NDC1: variants seen among roughly 807,000 people sequenced by gnomAD.
NDC1 encodes NDC1 transmembrane nucleoporin.
NDC1 carries 24 observed loss-of-function variants against 89.8 expected under a neutral mutation model. That is an observed-to-expected ratio of 0.27 (90% CI 0.19 to 0.38). NDC1 has a LOEUF of 0.38. Among genes scored for constraint, NDC1 ranks in the 10% least tolerant of loss-of-function variants. The pLI is 1.00. For synonymous variants in NDC1, 296 were observed against 284.8 expected (o/e 1.04, Z -0.39); for missense variants, 728 against 797.6 (o/e 0.91, Z 1.05).
Position 53,828,155 on chromosome 1 carries a change from CAAGGAATAG to C in NDC1, c.290_298del (p.Ser97_Pro99del). On this transcript the variant is annotated inframe_deletion, in exon 4 of 18. Transcript: ENST00000371429. ...CTTCCCTATCAGAGCTAGTCTGGAGCAAGGAATAGAAGGCACAACTGCAAAGGAAACACA... is the reference window on the plus strand; with the variant it reads ...CTTCCCTATCAGAGCTAGTCTGGAGCAAGGCACAACTGCAAAGGAAACACA... 1 of 1,613,886 alleles carries C rather than the reference CAAGGAATAG, an allele frequency of 6.2e-7. No individual in the cohort carries two copies.
At chr1:53,814,467 C>A (rs1049523825) in intron 6 of NDC1, among the ~76,000 whole-genome samples, 1 of 152,114 alleles carries the variant, frequency 6.6e-6, no homozygotes, top group African/African-American at 2.4e-5. Flanking sequence ...GAGGAAAGTT[C>A]ATAGCCCTAA....
chr1:53,772,461 T>C lies in NDC1; in HGVS notation c.1829A>G (p.His610Arg), dbSNP rs959770902. Reference protein sequence around the residue: ...EAVDKYFKLPHASSKPPRISG... With the variant: ...EAVDKYFKLPRASSKPPRISG... ...AATCCGGGGTGGTTTACTGGAAGCA[T>C]GAGGAAGCTTAAAGTACTTGTCGAC... Residue 610 changes from histidine (H) to arginine (R), a missense_variant, in exon 17 of 18, where the codon CAT (histidine) becomes CGT (arginine). His to Arg is a conservative substitution (Grantham distance 29). Coordinates refer to ENST00000371429, the MANE Select transcript of NDC1 (RefSeq NM_018087.5). 3 of 1,612,996 alleles carry C rather than the reference T, an allele frequency of 1.9e-6. No individual in the cohort carries two copies. The highest frequency in any genetic ancestry group is 1.3e-5 in the African/African-American group (1 of 74,844).
chr1:53,796,607 T>C, intron 13 of NDC1, 82 bp downstream of exon 13: 1 of 808,062 alleles, frequency 1.2e-6, no homozygotes, highest in South Asian at 2.4e-5. Flanking sequence ...AAGCTTCTTA[T>C]TCCTGATGAC....
intron 1 of NDC1, 133 bp from the exon 2 acceptor site, chr1:53,835,753 TA>T: frequency 1.4e-6 from 1 of 702,182 alleles, no homozygotes; most frequent in Non-Finnish European, 2.4e-6. Flanking sequence ...TCACTACTAG[TA>T]ATAACATTAC....
intron 13 of NDC1, among the ~76,000 whole-genome samples, chr1:53,795,801 T>C (rs1294077177): frequency 1.3e-5 from 2 of 152,188 alleles, no homozygotes; most frequent in East Asian, 3.8e-4. Context: ...ACACAGCCCC[T>C]AGAGCAGCAC....
intron 15 of NDC1, among the ~76,000 whole-genome samples, chr1:53,787,664 GATAAATAA>G (rs56823781): frequency 7.7e-4 from 113 of 146,828 alleles, no homozygotes; most frequent in South Asian, 1.5e-3. Context: ...TAAATAAATA[GATAAATAA>G]ATAAATAAAT....
chr1:53,833,651 C>A (rs1649137763), intron 2 of NDC1, among the ~76,000 whole-genome samples: 1 of 151,842 alleles, frequency 6.6e-6, no homozygotes, highest in Non-Finnish European at 1.5e-5. Context: ...ATCAGGATGC[C>A]CCCATGAAAT....
intron 13 of NDC1, 136 bp from the exon 14 acceptor site, chr1:53,793,415 A>G: frequency 2.8e-6 from 2 of 725,306 alleles, no homozygotes; most frequent in Admixed American, 4.8e-5. Context: ...AAAGAATAAT[A>G]ATACTTAAAC....
chr1:53,830,432 C>T (rs555451706), intron 3 of NDC1, among the ~76,000 whole-genome samples: 15 of 151,878 alleles, frequency 9.9e-5, no homozygotes, highest in East Asian at 3.9e-4. Flanking sequence ...CCAGCCTGGG[C>T]GACAAAGCTG....
chr1:53,809,494 G>A (rs1276356502), intron 7 of NDC1, among the ~76,000 whole-genome samples: 4 of 152,110 alleles, frequency 2.6e-5, no homozygotes, highest in Non-Finnish European at 4.4e-5. Flanking sequence ...TGGGACTACA[G>A]GCAAGTACCA....
chr1:53,834,979 G>T (rs546240981), intron 2 of NDC1, among the ~76,000 whole-genome samples: 39 of 121,360 alleles, frequency 3.2e-4, no homozygotes, highest in African/African-American at 1.5e-3. Flanking sequence ...GTGGTGGCGC[G>T]TGCTGAGGCA....
chr1:53,767,880 C>T lies in NDC1; in HGVS notation c.*90G>A. On this transcript the variant is annotated 3_prime_UTR_variant, in exon 18 of 18. Coordinates refer to ENST00000371429, the MANE Select transcript of NDC1 (RefSeq NM_018087.5). ...ACGACAAAGGAAGCATCTAATTAGT[C>T]CGTTTTCTTCTGATCCAAGAATGCT... 1.4e-6 allele frequency: 1 copy of T among 708,404 alleles called. No individual in the cohort carries two copies. The allele number at this position is 708,404 out of a possible 1,614,324, so 43.9% of individuals were successfully genotyped here.
chr1:53,769,586 G>A (rs1647095606), intron 17 of NDC1, among the ~76,000 whole-genome samples: 1 of 152,126 alleles, frequency 6.6e-6, no homozygotes, highest in Admixed American at 6.5e-5. Context: ...TCTCCAATGA[G>A]TGGGCTGTGT....
chr1:53,811,344 C>A (rs1050700921), intron 6 of NDC1, among the ~76,000 whole-genome samples: 2 of 152,220 alleles, frequency 1.3e-5, no homozygotes, highest in African/African-American at 4.8e-5. Context: ...AAGCTCTTTT[C>A]TCTCCCAGCT....
At chr1:53,771,107 C>G in intron 17 of NDC1, 1 of 191,648 alleles carries the variant, frequency 5.2e-6, no homozygotes, top group Non-Finnish European at 1.1e-5. Context: ...ACAATGTCCC[C>G]CCTGCCTGGA....
At chr1:53,828,284 C>A in intron 3 of NDC1, 111 bp from the exon 4 acceptor site, 1 of 981,288 alleles carries the variant, frequency 1.0e-6, no homozygotes, top group South Asian at 2.6e-5. Flanking sequence ...AGAGAGAAAT[C>A]CACAGTCAAC....
chr1:53,769,602 AG>A (rs1478924386), intron 17 of NDC1, among the ~76,000 whole-genome samples: 1 of 152,236 alleles, frequency 6.6e-6, no homozygotes, highest in Non-Finnish European at 1.5e-5. Flanking sequence ...TGTGTTTGTT[AG>A]TTGATTTTCA....
chr1:53,768,236 A>G (rs1647082659), intron 17 of NDC1, among the ~76,000 whole-genome samples: 1 of 152,246 alleles, frequency 6.6e-6, no homozygotes, highest in South Asian at 2.1e-4. Flanking sequence ...GCATGCTTCT[A>G]TCTTCTAAAA....
At chr1:53,835,115 G>A (rs1649187649) in intron 2 of NDC1, among the ~76,000 whole-genome samples, 1 of 152,042 alleles carries the variant, frequency 6.6e-6, no homozygotes, top group Non-Finnish European at 1.5e-5. Flanking sequence ...AATTTTAGAC[G>A]TATTTTTAAA....
Sources: allele counts gnomAD v4.1 joint callset (sites outside exome capture counted in the v4.1 genomes callset), GRCh38; gene constraint gnomAD v4.1.1; transcripts MANE v1.5; gene names NCBI Gene and HGNC (gene_info 2026-07-23, HGNC 2026-07-21).